TBC1D9: variants seen among roughly 807,000 people sequenced by gnomAD.
TBC1D9 encodes the protein TBC1 domain family member 9A.
A neutral mutation model predicts 132.0 loss-of-function variants in TBC1D9; 63 were observed. That is an observed-to-expected ratio of 0.48 (90% CI 0.39 to 0.59). The LOEUF (loss-of-function observed/expected upper bound fraction) is 0.59. TBC1D9 is among the 20% of genes least tolerant of loss of function. The pLI is 0.00. For synonymous variants in TBC1D9, 610 were observed against 609.9 expected (o/e 1.00, Z 0.00); for missense variants, 1,261 against 1,592.7 (o/e 0.79, Z 3.54).
chr4:140,751,872 G>T (rs1578868151), intron 1 of TBC1D9, among the ~76,000 whole-genome samples: 1 of 152,152 alleles, frequency 6.6e-6, no homozygotes, highest in African/African-American at 2.4e-5. Flanking sequence ...AATTAACCCT[G>T]CAATGTGATA....
intron 1 of TBC1D9, among the ~76,000 whole-genome samples, chr4:140,746,518 G>T (rs1262342738): frequency 6.6e-6 from 1 of 152,084 alleles, no homozygotes; most frequent in African/African-American, 2.4e-5. Context: ...TCATGCTACT[G>T]ATAAAGACAT....
chr4:140,635,112 C>T (rs1010934240), intron 15 of TBC1D9, among the ~76,000 whole-genome samples: 3 of 151,958 alleles, frequency 2.0e-5, no homozygotes, highest in Non-Finnish European at 4.4e-5. Flanking sequence ...AGGAGGACTT[C>T]GTTTTTACTT....
chr4:140,685,582 T>C (rs2111024008), intron 3 of TBC1D9, among the ~76,000 whole-genome samples: 1 of 152,258 alleles, frequency 6.6e-6, no homozygotes, highest in South Asian at 2.1e-4. Context: ...TCCTAGATAA[T>C]TACCTGTACT....
intron 13 of TBC1D9, chr4:140,642,902 G>C (rs149641069): frequency 2.1e-4 from 121 of 588,074 alleles, no homozygotes; most frequent in African/African-American, 1.9e-3. Flanking sequence ...CCTCGTGCCT[G>C]TCCTCGGAGT....
chr4:140,745,789 T>C (rs28490325), intron 1 of TBC1D9, among the ~76,000 whole-genome samples: 23,616 of 152,036 alleles, frequency 0.16, 3,617 homozygotes, highest in African/African-American at 0.39. Flanking sequence ...CCCTGTGTAT[T>C]TATAAATAAA....
intron 10 of TBC1D9, among the ~76,000 whole-genome samples, 192 bp downstream of exon 10, chr4:140,661,701 A>C (rs1256292213): frequency 6.6e-6 from 1 of 152,206 alleles, no homozygotes; most frequent in Admixed American, 6.5e-5. Flanking sequence ...GGATGTTACT[A>C]AACATTCTAC....
At chr4:140,643,961 C>T in intron 13 of TBC1D9, 1 of 609,480 alleles carries the variant, frequency 1.6e-6, no homozygotes, top group Non-Finnish European at 3.1e-6. Context: ...CCTTCGCCTC[C>T]TGTTCAGCCA....
chr4:140,649,000 G>T (rs1040046696), intron 13 of TBC1D9, among the ~76,000 whole-genome samples: 5 of 152,218 alleles, frequency 3.3e-5, no homozygotes, highest in African/African-American at 1.2e-4. Flanking sequence ...ATCCTTCAAA[G>T]CTTACCCTGT....
At chr4:140,736,517 G>T (rs573496899) in intron 1 of TBC1D9, among the ~76,000 whole-genome samples, 1 of 152,090 alleles carries the variant, frequency 6.6e-6, no homozygotes, top group Non-Finnish European at 1.5e-5. Context: ...TCCACCCTGG[G>T]TGACAGAGTG....
At chr4:140,634,231 A>G in intron 15 of TBC1D9, 43 bp from the exon 16 acceptor site, 1 of 1,591,370 alleles carries the variant, frequency 6.3e-7, no homozygotes, top group Non-Finnish European at 8.5e-7. Flanking sequence ...CTTTTGCAGC[A>G]AATACCAGAA....
intron 10 of TBC1D9, among the ~76,000 whole-genome samples, chr4:140,660,822 C>G (rs148785883): frequency 6.6e-6 from 1 of 152,150 alleles, no homozygotes; most frequent in East Asian, 1.9e-4. Flanking sequence ...TGTGCATGTA[C>G]GTGCACTTGT....
chr4:140,648,266 T>A (rs952442669), intron 13 of TBC1D9, among the ~76,000 whole-genome samples: 2 of 152,228 alleles, frequency 1.3e-5, no homozygotes, highest in African/African-American at 4.8e-5. Flanking sequence ...TCAACTATTT[T>A]AAAAATTTTG....
At chr4:140,717,986 T>C (rs1302669391) in intron 1 of TBC1D9, among the ~76,000 whole-genome samples, 1 of 152,180 alleles carries the variant, frequency 6.6e-6, no homozygotes, top group South Asian at 2.1e-4. Context: ...TATGCTATGA[T>C]ATGAAAATAG....
intron 1 of TBC1D9, among the ~76,000 whole-genome samples, chr4:140,744,375 A>T (rs1159322283): frequency 6.6e-6 from 1 of 152,178 alleles, no homozygotes; most frequent in East Asian, 1.9e-4. Context: ...AGTTCAGGCC[A>T]TGATGGGAAG....
intron 1 of TBC1D9, among the ~76,000 whole-genome samples, chr4:140,738,684 GTCT>G (rs1738713388): frequency 6.6e-6 from 1 of 152,116 alleles, no homozygotes. Flanking sequence ...ATGAATATTT[GTCT>G]TCTTTGTTGA....
chr4:140,752,804 G>C (rs1048002331), intron 1 of TBC1D9, among the ~76,000 whole-genome samples: 1 of 152,118 alleles, frequency 6.6e-6, no homozygotes, highest in Admixed American at 6.5e-5. Flanking sequence ...TTGACCCACT[G>C]TTTTTTATAG....
intron 18 of TBC1D9, among the ~76,000 whole-genome samples, chr4:140,625,896 T>C (rs1736700043): frequency 6.6e-6 from 1 of 152,184 alleles, no homozygotes; most frequent in Non-Finnish European, 1.5e-5. Flanking sequence ...TATCTTTATA[T>C]GGTAAGATTC....
intron 1 of TBC1D9, among the ~76,000 whole-genome samples, chr4:140,742,860 G>C (rs1426920721): frequency 1.3e-5 from 2 of 151,466 alleles, no homozygotes; most frequent in East Asian, 3.9e-4. Context: ...GAAGAAAGAA[G>C]GTGCAGGGGC....
chr4:140,686,272 T>C, intron 3 of TBC1D9, 72 bp downstream of exon 3: 2 of 1,011,224 alleles, frequency 2.0e-6, no homozygotes, highest in Non-Finnish European at 3.0e-6. Context: ...TTTTACTCAA[T>C]TCTTATTTTT....
Sources: allele counts gnomAD v4.1 joint callset (sites outside exome capture counted in the v4.1 genomes callset), GRCh38; gene constraint gnomAD v4.1.1; transcripts MANE v1.5; gene names NCBI Gene and HGNC (gene_info 2026-07-23, HGNC 2026-07-21).